HSD17B6: variants seen among roughly 807,000 people sequenced by gnomAD.
HSD17B6 encodes the protein 17-beta-hydroxysteroid dehydrogenase type 6.
In HSD17B6, 16 loss-of-function variants were observed where a neutral mutation model predicts 26.4. That is an observed-to-expected ratio of 0.61 (90% CI 0.41 to 0.92). The LOEUF is 0.92. Among genes scored for constraint, HSD17B6 ranks in the 40% least tolerant of loss-of-function variants. The pLI is 0.00. For missense variants in HSD17B6, 357 were observed against 386.1 expected (o/e 0.92, Z 0.63); for synonymous variants, 139 against 153.0 (o/e 0.91, Z 0.68).
At chr12:56,766,234 C>T (rs1310463846) in intron 1 of HSD17B6, among the ~76,000 whole-genome samples, 1 of 152,094 alleles carries the variant, frequency 6.6e-6, no homozygotes, top group Non-Finnish European at 1.5e-5. Context: ...GGACTCAGCC[C>T]GCCTGCACCC....
At chr12:56,784,704 C>G (rs868237864) in intron 3 of HSD17B6, 149 bp from the exon 4 acceptor site, 1 of 751,544 alleles carries the variant, frequency 1.3e-6, no homozygotes, top group African/African-American at 1.8e-5. Context: ...GAGAGGGAGA[C>G]GAGGGAGAGG....
At chr12:56,782,547 A>G (rs934384731) in intron 3 of HSD17B6, among the ~76,000 whole-genome samples, 14 of 151,948 alleles carry the variant, frequency 9.2e-5, no homozygotes, top group Non-Finnish European at 1.6e-4. Context: ...CTGGAGTGCA[A>G]TTGTGTGATC....
chr12:56,768,471 AAG>A (rs1954393876), intron 1 of HSD17B6, among the ~76,000 whole-genome samples: 1 of 152,090 alleles, frequency 6.6e-6, no homozygotes, highest in South Asian at 2.1e-4. Context: ...AGGCAGAAGA[AAG>A]AGGATAGAAG....
At position 56,783,123 on chromosome 12, in the gene HSD17B6, C is replaced by T. The variant is rs1402617648; in HGVS notation, c.572+891C>T. On this transcript the variant is annotated intron_variant, in intron 3 of 4. Transcript: ENST00000322165. ...CTTTTCTATTCCACAAAACCGCCAT[C>T]GTCATCATGGCCCGTTCTCAATGAG... Among the ~76,000 whole-genome samples the T allele has an allele frequency of 9.9e-5, 15 of 151,808 alleles. No homozygotes were observed. In the South Asian group the frequency reaches 1.5e-3, roughly 15 times the overall value.
chr12:56,785,608 C>CT (rs1954858763), intron 4 of HSD17B6, among the ~76,000 whole-genome samples: 1 of 152,224 alleles, frequency 6.6e-6, no homozygotes, highest in South Asian at 2.1e-4. Flanking sequence ...TCTTCCCTGC[C>CT]TTGTCCTCTG....
At chr12:56,768,398 T>C (rs955303973) in intron 1 of HSD17B6, among the ~76,000 whole-genome samples, 30 of 151,840 alleles carry the variant, frequency 2.0e-4, no homozygotes, top group Non-Finnish European at 3.5e-4. Context: ...TTTGGCCATA[T>C]GGGGAAGAGA....
intron 1 of HSD17B6, 21 bp downstream of exon 1, chr12:56,763,435 G>A (rs1954247506): frequency 7.1e-6 from 1 of 140,738 alleles, no homozygotes; most frequent in South Asian, 2.2e-4. Flanking sequence ...GGGTAAGGGT[G>A]GTTGTGTGTG....
chr12:56,772,702 AAAAAAAAAAAAG>A (rs1289605048), intron 1 of HSD17B6, among the ~76,000 whole-genome samples: 1 of 122,418 alleles, frequency 8.2e-6, no homozygotes, highest in Non-Finnish European at 1.7e-5. Context: ...TGTCTCAAAA[AAAAAAAAAAAAG>A]AAAAAAAAAA....
intron 1 of HSD17B6, among the ~76,000 whole-genome samples, chr12:56,764,848 A>G (rs1289260594): frequency 1.3e-5 from 2 of 151,990 alleles, no homozygotes; most frequent in Non-Finnish European, 2.9e-5. Flanking sequence ...CTTTTGAGAG[A>G]GAGTCTCACT....
chr12:56,765,613 C>G (rs1213873974), intron 1 of HSD17B6, among the ~76,000 whole-genome samples: 1 of 151,710 alleles, frequency 6.6e-6, no homozygotes, highest in Non-Finnish European at 1.5e-5. Context: ...TTCCCACCCC[C>G]TCCCCCCACC....
rs750178524 is a variant in HSD17B6, at chr12:56,774,138, TG to T, written c.289del (p.Val97Ter). 1 of 1,586,624 alleles carries T rather than the reference TG, an allele frequency of 6.3e-7. No individual in the cohort carries two copies. Among genetic ancestry groups the T allele is most frequent in the Non-Finnish European group, 8.6e-7 (1 of 1,164,390 alleles). On this transcript the variant is annotated frameshift_variant, in exon 2 of 5. Coordinates refer to ENST00000322165, the MANE Select transcript of HSD17B6 (RefSeq NM_003725.4). LOFTEE classifies it high-confidence loss of function. The part of the protein sequence containing the change: ...KMESIAAATQ[W>X]VKEHVGDRGL... ...GGAGAGCATCGCTGCAGCTACTCAG[TG>T]GGTGAAGGAGCATGTGGGGGACAGA... is the stretch of plus-strand genomic sequence containing the variant.
In HSD17B6 at chr12:56,779,744, G is replaced by T. The variant is rs182149232; in HGVS notation, c.314-2230G>T. Among the ~76,000 whole-genome samples, 166 of 149,082 alleles carry T rather than the reference G, an allele frequency of 1.1e-3. 1 individual carries two copies. The highest frequency in any genetic ancestry group is 3.8e-3 in the African/African-American group (155 of 40,394). ...CATGCTCTTGCTGCTGTGTATTTCA[G>T]TTCTGTTTTTTGGCTCTCCAATATG... On this transcript the variant is annotated intron_variant, in intron 2 of 4. Coordinates refer to ENST00000322165, the MANE Select transcript of HSD17B6 (RefSeq NM_003725.4).
Position 56,782,774 on chromosome 12 carries a change from AGGTCTCT to A in HSD17B6, c.572+546_572+552del, listed in dbSNP as rs1296170999. 2.0e-5 allele frequency among the ~76,000 whole-genome samples: 3 copies of A among 151,940 alleles called. No homozygotes were observed. The East Asian group carries it at 5.8e-4, about 29-fold the overall frequency. Reference sequence around the variant, plus strand: ...GGTCAGCAGACAAACAAGTGAACAAAGGTCTCTGGTTTTCCTAGGCAGAGTGTTTGTG... The same window carrying A: ...GGTCAGCAGACAAACAAGTGAACAAAGGTTTTCCTAGGCAGAGTGTTTGTG... On this transcript the variant is annotated intron_variant, in intron 3 of 4. Coordinates refer to ENST00000322165, the MANE Select transcript of HSD17B6 (RefSeq NM_003725.4).
intron 3 of HSD17B6, among the ~76,000 whole-genome samples, chr12:56,783,582 G>A (rs1195209878): frequency 2.3e-4 from 33 of 143,204 alleles, no homozygotes; most frequent in Admixed American, 1.9e-3. Flanking sequence ...ACGGCTGGCC[G>A]GGCGGGGGCT....
At chr12:56,778,229 T>C (rs1335569643) in intron 2 of HSD17B6, among the ~76,000 whole-genome samples, 1 of 152,226 alleles carries the variant, frequency 6.6e-6, no homozygotes, top group Non-Finnish European at 1.5e-5. Context: ...TACTAGTGCC[T>C]GAAACTCACA....
intron 3 of HSD17B6, among the ~76,000 whole-genome samples, chr12:56,783,683 CG>C (rs1250335196): frequency 1.1e-4 from 14 of 131,912 alleles, no homozygotes; most frequent in African/African-American, 3.8e-4. Flanking sequence ...GCTGGCCGGG[CG>C]GGGGGCTGAC....
intron 1 of HSD17B6, among the ~76,000 whole-genome samples, chr12:56,771,149 T>C (rs1226757012): frequency 6.6e-6 from 1 of 152,174 alleles, no homozygotes; most frequent in Non-Finnish European, 1.5e-5. Context: ...TGGCTGAGAC[T>C]TTCTTGGGGC....
intron 2 of HSD17B6, among the ~76,000 whole-genome samples, chr12:56,780,706 A>C (rs1174736313): frequency 6.6e-6 from 1 of 151,912 alleles, no homozygotes; most frequent in Non-Finnish European, 1.5e-5. Context: ...AAAAATACCA[A>C]AAAAATTAGC....
intron 4 of HSD17B6, among the ~76,000 whole-genome samples, chr12:56,785,226 G>A (rs1357226943): frequency 6.6e-6 from 1 of 152,178 alleles, no homozygotes; most frequent in Non-Finnish European, 1.5e-5. Flanking sequence ...ATGAGTGCAA[G>A]CAGAGGAAAG....
Sources: gnomAD v4.1 joint callset for allele counts (sites outside exome capture counted in the v4.1 genomes callset) on GRCh38, gnomAD v4.1.1 for gene constraint, MANE v1.5 for transcripts, NCBI Gene and HGNC (gene_info 2026-07-23, HGNC 2026-07-21) for gene names.